Variants in CLASP1 observed in about 807,000 individuals in gnomAD.
CLASP1 encodes the protein cytoplasmic linker associated protein 1.
Under a neutral mutation model 192.3 loss-of-function variants are expected in CLASP1, and 38 were observed. The observed-to-expected ratio is 0.20, with a 90% CI of 0.15 to 0.26. The LOEUF is 0.26. CLASP1 is among the 10% of genes least tolerant of loss of function. CLASP1 has a pLI of 1.00. For missense variants in CLASP1, 1,433 were observed against 1,932.5 expected, an observed-to-expected ratio of 0.74 and a Z score of 4.85; for synonymous variants, 691 against 712.8, an observed-to-expected ratio of 0.97 and a Z score of 0.49.
At chr2:121,344,178 G>T (rs993466599) in intron 39 of CLASP1, among the ~76,000 whole-genome samples, 29 of 152,246 alleles carry the variant, frequency 1.9e-4, no homozygotes, top group Admixed American at 9.2e-4. Flanking sequence ...CGTAAGTGGG[G>T]AACAGAGACC....
intron 39 of CLASP1, among the ~76,000 whole-genome samples, chr2:121,341,206 G>C (rs1161277956): frequency 6.6e-6 from 1 of 152,228 alleles, no homozygotes; most frequent in Non-Finnish European, 1.5e-5. Flanking sequence ...ACCACCACCA[G>C]GTGTCACAAC....
At chr2:121,507,891 T>C (rs2093992107) in intron 7 of CLASP1, among the ~76,000 whole-genome samples, 2 of 152,090 alleles carry the variant, frequency 1.3e-5, no homozygotes, top group South Asian at 4.1e-4. Context: ...TTCAAAGTTC[T>C]GAAATTAAAA....
In CLASP1 at chr2:121,377,501, T is replaced by TA; in HGVS notation, c.3639dup (p.Ile1214TyrfsTer14). The TA allele has an allele frequency of 6.2e-7, 1 of 1,602,520 alleles. No homozygotes were observed. The highest frequency in any genetic ancestry group is 8.5e-7 in the Non-Finnish European group (1 of 1,173,560). On this transcript the variant is annotated frameshift_variant, in exon 34 of 40. Transcript: ENST00000263710. LOFTEE classifies it high-confidence loss of function. ...TCTTTTAGCCTAGGGATACTTACAA[T>TA]ATCACACTCCTTTTTGCCATCTCGT...
chr2:121,518,230 T>TC (rs2094367370), intron 6 of CLASP1, among the ~76,000 whole-genome samples: 1 of 39,038 alleles, frequency 2.6e-5, no homozygotes, highest in Non-Finnish European at 4.3e-5. Flanking sequence ...GACCCCCGTC[T>TC]CAAAAAAAAA....
chr2:121,379,211 T>A, intron 33 of CLASP1, among the ~76,000 whole-genome samples: 1 of 146,942 alleles, frequency 6.8e-6, no homozygotes. Context: ...ATTTGGAGAG[T>A]TCACAAAAAA....
intron 1 of CLASP1, among the ~76,000 whole-genome samples, chr2:121,646,209 C>T (rs2073151370): frequency 6.6e-6 from 1 of 152,166 alleles, no homozygotes; most frequent in Admixed American, 6.5e-5. Context: ...GCCTCCCAGA[C>T]TCAGGAGATC....
At chr2:121,414,272 G>C (rs1203914549) in intron 23 of CLASP1, among the ~76,000 whole-genome samples, 69 bp from the exon 24 acceptor site, 3 of 152,208 alleles carry the variant, frequency 2.0e-5, no homozygotes, top group Non-Finnish European at 4.4e-5. Flanking sequence ...AAATGCCACA[G>C]TCCAGAGGAA....
intron 14 of CLASP1, among the ~76,000 whole-genome samples, chr2:121,452,299 A>G (rs190097437): frequency 3.9e-5 from 6 of 152,344 alleles, no homozygotes; most frequent in Admixed American, 3.9e-4. Context: ...AGTGCTCTCC[A>G]TATTTTCATG....
At chr2:121,579,582 T>C (rs2060912922) in intron 2 of CLASP1, among the ~76,000 whole-genome samples, 1 of 152,190 alleles carries the variant, frequency 6.6e-6, no homozygotes, top group Non-Finnish European at 1.5e-5. Flanking sequence ...AGACATTCAT[T>C]CTTGAGTCAA....
chr2:121,543,275 A>T (rs1385477780), intron 2 of CLASP1, among the ~76,000 whole-genome samples: 1 of 152,134 alleles, frequency 6.6e-6, no homozygotes, highest in African/African-American at 2.4e-5. Flanking sequence ...GTGGGACTGA[A>T]GGACAGTAAG....
intron 1 of CLASP1, among the ~76,000 whole-genome samples, chr2:121,610,710 G>T (rs562142357): frequency 8.1e-5 from 12 of 147,688 alleles, no homozygotes; most frequent in Admixed American, 4.0e-4. Flanking sequence ...TGGAGAAGGA[G>T]GAGGAGGAGT....
chr2:121,401,247 A>C (rs2076120652), intron 28 of CLASP1, among the ~76,000 whole-genome samples: 1 of 152,276 alleles, frequency 6.6e-6, no homozygotes, highest in Non-Finnish European at 1.5e-5. Context: ...ATGAGAAGAG[A>C]ATCAATTTCC....
At chr2:121,592,514 T>C (rs2062530535) in intron 2 of CLASP1, among the ~76,000 whole-genome samples, 1 of 152,236 alleles carries the variant, frequency 6.6e-6, no homozygotes, top group South Asian at 2.1e-4. Flanking sequence ...TCATTCTTTC[T>C]ATACATTTCA....
chr2:121,395,127 T>C (rs1286855174), intron 30 of CLASP1, among the ~76,000 whole-genome samples: 4 of 152,066 alleles, frequency 2.6e-5, no homozygotes, highest in African/African-American at 9.7e-5. Flanking sequence ...ACCAATGAGC[T>C]GGAAGAAGAC....
At chr2:121,607,734 CAT>C (rs2064635776) in intron 1 of CLASP1, among the ~76,000 whole-genome samples, 1 of 152,252 alleles carries the variant, frequency 6.6e-6, no homozygotes, top group East Asian at 1.9e-4. Context: ...TTCCAGAAAA[CAT>C]ATCTTTGTTT....
At chr2:121,620,599 T>C (rs2067178081) in intron 1 of CLASP1, among the ~76,000 whole-genome samples, 1 of 152,122 alleles carries the variant, frequency 6.6e-6, no homozygotes, top group East Asian at 1.9e-4. Flanking sequence ...CCACCCACCT[T>C]GGCCTCCCAA....
intron 39 of CLASP1, among the ~76,000 whole-genome samples, chr2:121,346,157 C>T (rs2063425443): frequency 6.6e-6 from 1 of 152,226 alleles, no homozygotes; most frequent in African/African-American, 2.4e-5. Context: ...TCATGTTTTC[C>T]ACTGGCTTCG....
intron 2 of CLASP1, among the ~76,000 whole-genome samples, chr2:121,584,987 T>C (rs949878351): frequency 1.3e-5 from 2 of 152,222 alleles, no homozygotes; most frequent in African/African-American, 4.8e-5. Flanking sequence ...GTACTTACTG[T>C]ATGTCAGCAC....
chr2:121,641,264 C>T (rs572823511), intron 1 of CLASP1, among the ~76,000 whole-genome samples: 9 of 151,646 alleles, frequency 5.9e-5, no homozygotes, highest in Non-Finnish European at 4.4e-5. Flanking sequence ...GAAGAAAATT[C>T]GCTAAAAGGT....
Sources: gnomAD v4.1 joint callset for allele counts (sites outside exome capture counted in the v4.1 genomes callset) on GRCh38, gnomAD v4.1.1 for gene constraint, MANE v1.5 for transcripts, NCBI Gene and HGNC (gene_info 2026-07-23, HGNC 2026-07-21) for gene names.